The following APBA1 variants were observed in gnomAD, a reference collection of about 807,000 sequenced individuals.
APBA1 encodes amyloid beta precursor protein binding family A member 1.
In APBA1, 55 loss-of-function variants were observed where a neutral mutation model predicts 86.6. That is an observed-to-expected ratio of 0.64 (90% CI 0.51 to 0.80). The LOEUF is 0.80. APBA1 is among the 30% of genes least tolerant of loss of function. APBA1 has a pLI of 0.00. For missense variants in APBA1, 1,090 were observed against 1,183.0 expected, an observed-to-expected ratio of 0.92 and a Z score of 1.15; for synonymous variants, 511 against 493.9, an observed-to-expected ratio of 1.03 and a Z score of -0.46.
At chr9:69,473,841 T>A (rs891897739) in intron 3 of APBA1, among the ~76,000 whole-genome samples, 3 of 152,178 alleles carry the variant, frequency 2.0e-5, no homozygotes, top group Non-Finnish European at 4.4e-5. Context: ...TCTGGGGTAG[T>A]AAATTTTTTT....
chr9:69,495,687 A>G (rs1289554099), intron 2 of APBA1, among the ~76,000 whole-genome samples: 1 of 152,060 alleles, frequency 6.6e-6, no homozygotes, highest in African/African-American at 2.4e-5. Context: ...GAGAAAATAA[A>G]CTCGGCTCTG....
intron 1 of APBA1, among the ~76,000 whole-genome samples, chr9:69,542,142 A>G (rs1836622808): frequency 6.6e-6 from 1 of 152,234 alleles, no homozygotes; most frequent in African/African-American, 2.4e-5. Context: ...AAAACTGAAC[A>G]AAATGTATGG....
intron 1 of APBA1, among the ~76,000 whole-genome samples, chr9:69,555,147 A>C (rs1564075941): frequency 1.3e-5 from 2 of 152,232 alleles, no homozygotes; most frequent in African/African-American, 4.8e-5. Context: ...AGAGTAGTAG[A>C]TTATTTAACC....
rs572569779 is a variant in APBA1, at chr9:69,490,810, A to T, written c.1201-14667T>A. Among the ~76,000 whole-genome samples, 162 of 152,196 alleles carry T rather than the reference A, an allele frequency of 1.1e-3. 1 individual carries two copies. The highest frequency in any genetic ancestry group is 3.5e-3 in the African/African-American group (147 of 41,522). ...GTGGGCAAAGGATATGAACAGACAC[A>T]TCTCAAAAGAAGACATTTATGTAGC... On this transcript the variant is annotated intron_variant, in intron 2 of 12. Transcript: ENST00000265381.
intron 1 of APBA1, among the ~76,000 whole-genome samples, chr9:69,564,465 C>T (rs1836994569): frequency 6.6e-6 from 1 of 152,252 alleles, no homozygotes; most frequent in East Asian, 1.9e-4. Context: ...ATTGCTTTTA[C>T]TTTTGGGGTG....
intron 1 of APBA1, among the ~76,000 whole-genome samples, chr9:69,657,007 G>A (rs938441530): frequency 5.9e-5 from 9 of 152,062 alleles, no homozygotes; most frequent in South Asian, 2.1e-4. Context: ...CACCGCGCCC[G>A]GCTAATTTTT....
chr9:69,440,957 C>T lies in APBA1; in HGVS notation c.2301+39G>A, dbSNP rs773278410. ...CCAGCCATGCTACATTTTTATTTGT[C>T]AACATTGTGGAAAAGGGTGTGGAAG... On this transcript the variant is annotated intron_variant, in intron 11 of 12. Transcript: ENST00000265381. 5.6e-6 allele frequency: 9 copies of T among 1,597,788 alleles called. No individual in the cohort carries two copies. The Admixed American group carries it at 6.8e-5, about 12-fold the overall frequency.
chr9:69,502,278 G>C (rs1387529908), intron 2 of APBA1, among the ~76,000 whole-genome samples: 1 of 152,076 alleles, frequency 6.6e-6, no homozygotes, highest in African/African-American at 2.4e-5. Flanking sequence ...TGTCAGTGGG[G>C]GAGACACCTG....
At chr9:69,466,886 T>A (rs1835288661) in intron 5 of APBA1, among the ~76,000 whole-genome samples, 1 of 152,226 alleles carries the variant, frequency 6.6e-6, no homozygotes, top group Non-Finnish European at 1.5e-5. Flanking sequence ...TGAAACTGGA[T>A]AAAACAGACT....
At position 69,456,230 on chromosome 9, in the gene APBA1, A is replaced by C; in HGVS notation, c.1788+17T>G. ...GAGAACCTAACCCAAAAGGAGATCA[A>C]AGGAAGCAACCCTTACATCCTCAGA... On this transcript the variant is annotated intron_variant, in intron 8 of 12. Coordinates refer to ENST00000265381, the MANE Select transcript of APBA1 (RefSeq NM_001163.4). The C allele has an allele frequency of 6.2e-7, 1 of 1,614,118 alleles. No individual in the cohort carries two copies. The highest frequency in any genetic ancestry group is 2.2e-5 in the East Asian group (1 of 44,890).
chr9:69,656,839 C>CTT (rs55751456), intron 1 of APBA1, among the ~76,000 whole-genome samples: 6,582 of 134,666 alleles, frequency 0.049, 501 homozygotes, highest in African/African-American at 0.14. Flanking sequence ...ACCGGGAGAT[C>CTT]TTTTTTTTTT....
chr9:69,604,277 C>T (rs1240801883), intron 1 of APBA1, among the ~76,000 whole-genome samples: 7 of 136,454 alleles, frequency 5.1e-5, no homozygotes, highest in East Asian at 4.4e-4. Flanking sequence ...GGTGTGGGCA[C>T]GCATGCACAC....
chr9:69,452,274 G>A lies in APBA1; in HGVS notation c.1816C>T (p.Gln606Ter). 1 of 1,614,242 alleles carries A rather than the reference G, an allele frequency of 6.2e-7. No individual in the cohort carries two copies. The highest frequency in any genetic ancestry group is 8.5e-7 in the Non-Finnish European group (1 of 1,180,048). ...DAQLIAQSIG[Q>*]AFSVAYQEFL... ...TCCTGGTATGCCACGCTAAATGCCT[G>A]TCCGATGGACTGTGCAATCAGCTGA... The change falls in exon 9 of 13, where the codon CAG becomes TAG. Residue 606 changes from glutamine to a stop codon, truncating the protein, a stop_gained. Transcript: ENST00000265381. LOFTEE classifies it high-confidence loss of function.
intron 1 of APBA1, among the ~76,000 whole-genome samples, chr9:69,521,760 G>A (rs1836255709): frequency 6.6e-6 from 1 of 152,090 alleles, no homozygotes; most frequent in African/African-American, 2.4e-5. Context: ...TGAGGGCAAG[G>A]GCTTTGAGGT....
At chr9:69,540,157 A>AACAACAACAAC (rs773579721) in intron 1 of APBA1, among the ~76,000 whole-genome samples, 2 of 147,638 alleles carry the variant, frequency 1.4e-5, no homozygotes, top group African/African-American at 5.4e-5. Flanking sequence ...CAACAACAAC[A>AACAACAACAAC]AAAGTCACCT....
intron 11 of APBA1, among the ~76,000 whole-genome samples, chr9:69,434,286 A>G (rs1834657744): frequency 6.6e-6 from 1 of 152,152 alleles, no homozygotes; most frequent in African/African-American, 2.4e-5. Context: ...GCAGTCCTGC[A>G]TGTCACAGAA....
At chr9:69,466,670 C>T (rs1351926187) in intron 5 of APBA1, among the ~76,000 whole-genome samples, 2 of 152,176 alleles carry the variant, frequency 1.3e-5, no homozygotes, top group Non-Finnish European at 2.9e-5. Context: ...CTGCCAAGAC[C>T]CTGCACAGCT....
At chr9:69,434,005 C>A (rs1051216238) in intron 11 of APBA1, among the ~76,000 whole-genome samples, 6 of 152,122 alleles carry the variant, frequency 3.9e-5, no homozygotes, top group African/African-American at 1.4e-4. Flanking sequence ...AGAGACTGGG[C>A]TTTGCCATGT....
At chr9:69,617,168 C>T (rs1822717561) in intron 1 of APBA1, among the ~76,000 whole-genome samples, 1 of 152,146 alleles carries the variant, frequency 6.6e-6, no homozygotes, top group South Asian at 2.1e-4. Flanking sequence ...ACTATATAAC[C>T]CTCCTCACTT....
Sources: allele counts gnomAD v4.1 joint callset (sites outside exome capture counted in the v4.1 genomes callset), GRCh38; gene constraint gnomAD v4.1.1; transcripts MANE v1.5; gene names NCBI Gene and HGNC (gene_info 2026-07-23, HGNC 2026-07-21).